Variants in DENND1A observed in about 807,000 individuals in gnomAD.
DENND1A encodes the protein DENN domain-containing protein 1A.
In DENND1A, 51 loss-of-function variants were observed where a neutral mutation model predicts 113.7. That is an observed-to-expected ratio of 0.45 (90% CI 0.36 to 0.57). The LOEUF (loss-of-function observed/expected upper bound fraction) is 0.57, where lower values mean the gene tolerates loss of function less well. DENND1A is among the 20% of genes least tolerant of loss of function. The pLI, the probability that DENND1A is intolerant of heterozygous loss-of-function variation, is 0.00. For synonymous variants in DENND1A, 565 were observed against 570.8 expected (o/e 0.99, Z 0.14); for missense variants, 1,258 against 1,395.9 (o/e 0.90, Z 1.57).
intron 2 of DENND1A, among the ~76,000 whole-genome samples, chr9:123,847,384 AG>A (rs1842769252): frequency 6.6e-6 from 1 of 152,208 alleles, no homozygotes; most frequent in South Asian, 2.1e-4. Flanking sequence ...AAGATATATA[AG>A]AAGAAAACTC....
intron 5 of DENND1A, among the ~76,000 whole-genome samples, chr9:123,695,410 A>G (rs1245375999): frequency 6.6e-6 from 1 of 152,128 alleles, no homozygotes; most frequent in African/African-American, 2.4e-5. Context: ...TCAAGCTAAC[A>G]AGGATACCAA....
intron 18 of DENND1A, among the ~76,000 whole-genome samples, chr9:123,449,558 CAAT>C (rs1588587218): frequency 6.7e-6 from 1 of 148,248 alleles, no homozygotes; most frequent in African/African-American, 2.5e-5. Context: ...AAGGTGGCAA[CAAT>C]AATTATGATG....
intron 1 of DENND1A, among the ~76,000 whole-genome samples, chr9:123,915,088 A>T (rs1222062517): frequency 6.6e-6 from 1 of 152,174 alleles, no homozygotes; most frequent in African/African-American, 2.4e-5. Context: ...AAGCACTTGC[A>T]TGATCTCCTG....
At chr9:123,433,442 G>A (rs1405306910) in intron 19 of DENND1A, among the ~76,000 whole-genome samples, 1 of 152,142 alleles carries the variant, frequency 6.6e-6, no homozygotes, top group Admixed American at 6.5e-5. Flanking sequence ...GCCTGTGTGT[G>A]TACATGATGT....
At chr9:123,485,721 A>G (rs968264721) in intron 13 of DENND1A, 3 of 151,954 alleles carry the variant, frequency 2.0e-5, no homozygotes, top group Admixed American at 6.5e-5. Flanking sequence ...CGGGGAAAGA[A>G]GCCTGAGCAT....
At chr9:123,719,641 T>C (rs939168458) in intron 5 of DENND1A, among the ~76,000 whole-genome samples, 1 of 152,222 alleles carries the variant, frequency 6.6e-6, no homozygotes, top group Non-Finnish European at 1.5e-5. Flanking sequence ...CAGATTTTTT[T>C]TTTTTAATTT....
intron 21 of DENND1A, among the ~76,000 whole-genome samples, chr9:123,398,382 C>CT (rs745923296): frequency 9.3e-5 from 14 of 150,548 alleles, no homozygotes; most frequent in Non-Finnish European, 1.6e-4. Context: ...TTTTCTTTTT[C>CT]TTTTTTATTT....
At chr9:123,855,457 G>C (rs1356542768) in intron 2 of DENND1A, among the ~76,000 whole-genome samples, 1 of 152,090 alleles carries the variant, frequency 6.6e-6, no homozygotes, top group Non-Finnish European at 1.5e-5. Context: ...GTATTGTACA[G>C]AAAAGAGAAA....
At chr9:123,836,570 G>A (rs1841079632) in intron 2 of DENND1A, among the ~76,000 whole-genome samples, 1 of 151,988 alleles carries the variant, frequency 6.6e-6, no homozygotes, top group African/African-American at 2.4e-5. Context: ...CCAAAAAGGT[G>A]GTTAAGTAAA....
At chr9:123,412,959 G>A (rs183117862) in intron 19 of DENND1A, among the ~76,000 whole-genome samples, 8 of 152,190 alleles carry the variant, frequency 5.3e-5, no homozygotes, top group Admixed American at 2.6e-4. Flanking sequence ...CAAGGTGGGC[G>A]GACCACCTGA....
chr9:123,674,228 T>C (rs1213315017), intron 6 of DENND1A, among the ~76,000 whole-genome samples: 1 of 152,090 alleles, frequency 6.6e-6, no homozygotes, highest in African/African-American at 2.4e-5. Flanking sequence ...ATTCAAGGTC[T>C]GATGAGCATG....
chr9:123,903,496 C>A (rs530321655), intron 1 of DENND1A, among the ~76,000 whole-genome samples: 1 of 151,930 alleles, frequency 6.6e-6, no homozygotes, highest in African/African-American at 2.4e-5. Flanking sequence ...AGACAGTGGG[C>A]GCAGGTCAGT....
intron 1 of DENND1A, among the ~76,000 whole-genome samples, chr9:123,891,749 G>GA (rs1849933088): frequency 6.6e-6 from 1 of 152,028 alleles, no homozygotes; most frequent in African/African-American, 2.4e-5. Context: ...AGCAGAGATG[G>GA]AGTAACATGG....
At chr9:123,864,515 T>C (rs1427822162) in intron 2 of DENND1A, among the ~76,000 whole-genome samples, 2 of 152,164 alleles carry the variant, frequency 1.3e-5, no homozygotes, top group Non-Finnish European at 2.9e-5. Context: ...GGAAGTCTGA[T>C]GGACACTTGG....
At chr9:123,454,553 T>C (rs1189813216) in intron 16 of DENND1A, among the ~76,000 whole-genome samples, 186 bp downstream of exon 16, 1 of 152,228 alleles carries the variant, frequency 6.6e-6, no homozygotes, top group African/African-American at 2.4e-5. Flanking sequence ...CACCAAGTGA[T>C]GGCTTTGGAC....
intron 1 of DENND1A, among the ~76,000 whole-genome samples, chr9:123,921,760 G>T (rs1856299164): frequency 6.6e-6 from 1 of 152,118 alleles, no homozygotes; most frequent in Non-Finnish European, 1.5e-5. Context: ...CCTCAGAAAA[G>T]CAAACATATA....
At chr9:123,815,508 T>A (rs1373238399) in intron 2 of DENND1A, among the ~76,000 whole-genome samples, 1 of 152,192 alleles carries the variant, frequency 6.6e-6, no homozygotes, top group Non-Finnish European at 1.5e-5. Flanking sequence ...AAATAACTTC[T>A]AATAAGCCCC....
chr9:123,530,697 C>T (rs1159964788), intron 13 of DENND1A, among the ~76,000 whole-genome samples: 2 of 152,130 alleles, frequency 1.3e-5, no homozygotes, highest in African/African-American at 2.4e-5. Context: ...GCACAGTAGT[C>T]CCCTCTTTAT....
chr9:123,716,670 A>G (rs1165777867), intron 5 of DENND1A, among the ~76,000 whole-genome samples: 1 of 152,252 alleles, frequency 6.6e-6, no homozygotes. Context: ...AGCTTGCAAA[A>G]AGTACAAACG....
Sources: allele counts gnomAD v4.1 joint callset (sites outside exome capture counted in the v4.1 genomes callset), GRCh38; gene constraint gnomAD v4.1.1; transcripts MANE v1.5; gene names NCBI Gene and HGNC (gene_info 2026-07-23, HGNC 2026-07-21).